Variants in CPED1 observed in about 807,000 individuals in gnomAD.
CPED1 encodes cadherin like and PC-esterase domain containing 1.
In CPED1, 114 loss-of-function variants were observed where a neutral mutation model predicts 128.2. The observed-to-expected ratio is 0.89, with a 90% CI of 0.76 to 1.04. CPED1 has a LOEUF of 1.04. Among genes scored for constraint, CPED1 ranks in the 50% least tolerant of loss-of-function variants. The probability of loss-of-function intolerance (pLI) is 0.00; values close to 1 mark genes in which losing one functional copy is unlikely to be tolerated. For synonymous variants in CPED1, 462 were observed against 426.7 expected (o/e 1.08, Z -1.02); for missense variants, 1,211 against 1,207.1 (o/e 1.00, Z -0.05).
At chr7:121,217,946 C>T (rs1317562415) in intron 16 of CPED1, among the ~76,000 whole-genome samples, 1 of 151,168 alleles carries the variant, frequency 6.6e-6, no homozygotes, top group East Asian at 2.0e-4. Flanking sequence ...TAGCAGTTAC[C>T]AAAATATTTG....
intron 13 of CPED1, among the ~76,000 whole-genome samples, chr7:121,134,119 G>T (rs550354546): frequency 1.1e-4 from 17 of 152,132 alleles, no homozygotes; most frequent in African/African-American, 3.9e-4. Flanking sequence ...ATGTTGAAGA[G>T]ATATTTGTAC....
Position 121,234,734 on chromosome 7 carries a change from C to T in CPED1, c.2056-1980C>T, listed in dbSNP as rs1013574652. 2.0e-5 allele frequency among the ~76,000 whole-genome samples: 3 copies of T among 151,982 alleles called. No homozygotes were observed. The South Asian group carries it at 6.2e-4, about 31-fold the overall frequency. ...AGGAACACTACCGTCATCCAGATTTCCTTTTATTCTCTTAACAGAGACATA... is the reference window on the plus strand; with the variant it reads ...AGGAACACTACCGTCATCCAGATTTTCTTTTATTCTCTTAACAGAGACATA... On this transcript the variant is annotated intron_variant, in intron 16 of 22. Coordinates refer to ENST00000310396, the MANE Select transcript of CPED1 (RefSeq NM_024913.5).
intron 16 of CPED1, among the ~76,000 whole-genome samples, chr7:121,216,211 A>C (rs1797755901): frequency 6.6e-6 from 1 of 152,172 alleles, no homozygotes; most frequent in Non-Finnish European, 1.5e-5. Context: ...TATAGGAACG[A>C]GTGGCCCAGG....
chr7:121,021,049 A>G (rs1259328279), intron 3 of CPED1, among the ~76,000 whole-genome samples: 1 of 151,876 alleles, frequency 6.6e-6, no homozygotes, highest in Non-Finnish European at 1.5e-5. Context: ...TACTACAATA[A>G]ATAGTATTTA....
chr7:121,133,944 TG>T (rs1795730599), intron 13 of CPED1, 51 bp downstream of exon 13: 1 of 1,168,872 alleles, frequency 8.6e-7, no homozygotes, highest in African/African-American at 1.6e-5. Context: ...AAGTATTTCC[TG>T]GCAAAAAAAT....
chr7:121,073,878 C>T (rs1794055440), intron 5 of CPED1, among the ~76,000 whole-genome samples: 1 of 146,112 alleles, frequency 6.8e-6, no homozygotes, highest in African/African-American at 2.5e-5. Flanking sequence ...TCTCATTAAT[C>T]ATGTAAAGCC....
intron 22 of CPED1, among the ~76,000 whole-genome samples, chr7:121,277,536 G>A (rs1792354017): frequency 6.6e-6 from 1 of 152,080 alleles, no homozygotes; most frequent in African/African-American, 2.4e-5. Context: ...GATGGCAGGT[G>A]GTGACGGCTG....
intron 3 of CPED1, among the ~76,000 whole-genome samples, chr7:121,025,290 T>A (rs986184127): frequency 6.6e-6 from 1 of 152,162 alleles, no homozygotes; most frequent in Non-Finnish European, 1.5e-5. Context: ...CTGTCTATAA[T>A]GACTTTCACC....
intron 16 of CPED1, among the ~76,000 whole-genome samples, chr7:121,192,822 TA>T (rs1488098602): frequency 6.6e-6 from 1 of 152,146 alleles, no homozygotes; most frequent in African/African-American, 2.4e-5. Context: ...AGAAGACTCT[TA>T]TATCAAAATT....
intron 5 of CPED1, among the ~76,000 whole-genome samples, chr7:121,087,119 C>G (rs1263407862): frequency 2.6e-5 from 4 of 152,188 alleles, no homozygotes; most frequent in African/African-American, 9.7e-5. Context: ...AACAACAGAT[C>G]TGATTCCCAA....
chr7:121,286,500 C>A (rs551492620), intron 22 of CPED1, among the ~76,000 whole-genome samples: 1 of 152,310 alleles, frequency 6.6e-6, no homozygotes, highest in East Asian at 1.9e-4. Context: ...AACCTGGGAT[C>A]CTCCTAGAAG....
chr7:121,035,365 T>C (rs1792857794), intron 3 of CPED1, among the ~76,000 whole-genome samples: 1 of 152,162 alleles, frequency 6.6e-6, no homozygotes, highest in African/African-American at 2.4e-5. Flanking sequence ...AGATGATATC[T>C]TAGATTTAGA....
intron 16 of CPED1, among the ~76,000 whole-genome samples, chr7:121,227,573 A>G (rs1798043397): frequency 6.6e-6 from 1 of 152,098 alleles, no homozygotes; most frequent in Admixed American, 6.6e-5. Flanking sequence ...ATTAGACTAT[A>G]AAACCAATGA....
chr7:121,233,863 A>G (rs1798191740), intron 16 of CPED1, among the ~76,000 whole-genome samples: 1 of 152,054 alleles, frequency 6.6e-6, no homozygotes, highest in Non-Finnish European at 1.5e-5. Flanking sequence ...GTGTAGAGGT[A>G]GCTCCACAGC....
At chr7:121,211,443 A>G (rs1237786035) in intron 16 of CPED1, among the ~76,000 whole-genome samples, 4 of 148,948 alleles carry the variant, frequency 2.7e-5, no homozygotes, top group Middle Eastern at 3.5e-3. Flanking sequence ...GAAGAGCCAC[A>G]TAGTATCCGA....
Position 121,206,360 on chromosome 7 carries a change from G to C in CPED1, c.2056-30354G>C, listed in dbSNP as rs569078992. On this transcript the variant is annotated intron_variant, in intron 16 of 22. Transcript: ENST00000310396. Reference sequence around the variant, plus strand: ...AAAAAGTTAATTCACTTTACAGAAGGATATTTTGCATAATGGAACACGCTA... The same window carrying C: ...AAAAAGTTAATTCACTTTACAGAAGCATATTTTGCATAATGGAACACGCTA... Among the ~76,000 whole-genome samples, 19 of 152,052 alleles carry C rather than the reference G, an allele frequency of 1.2e-4. No individual in the cohort carries two copies. The East Asian group carries it at 2.9e-3, about 23-fold the overall frequency.
chr7:120,994,930 C>T (rs566887931), intron 2 of CPED1, among the ~76,000 whole-genome samples: 5 of 152,226 alleles, frequency 3.3e-5, no homozygotes, highest in African/African-American at 7.2e-5. Context: ...GCCTCTTCTT[C>T]GCCAAATCTT....
chr7:121,057,123 G>T (rs1325190494), intron 4 of CPED1, among the ~76,000 whole-genome samples: 1 of 151,960 alleles, frequency 6.6e-6, no homozygotes, highest in Non-Finnish European at 1.5e-5. Context: ...GAGTACAGGT[G>T]CACGCCACCA....
intron 18 of CPED1, among the ~76,000 whole-genome samples, chr7:121,258,629 G>A (rs903546023): frequency 6.6e-6 from 1 of 152,088 alleles, no homozygotes; most frequent in African/African-American, 2.4e-5. Context: ...ACAGACAATG[G>A]AGTGCTAAGA....
Sources: gnomAD v4.1 joint callset for allele counts (sites outside exome capture counted in the v4.1 genomes callset) on GRCh38, gnomAD v4.1.1 for gene constraint, MANE v1.5 for transcripts, NCBI Gene and HGNC (gene_info 2026-07-23, HGNC 2026-07-21) for gene names.